MCC: variants seen among roughly 807,000 people sequenced by gnomAD.
The protein encoded by MCC is colorectal mutant cancer protein.
Under a neutral mutation model 116.2 loss-of-function variants are expected in MCC, and 90 were observed. That is an observed-to-expected ratio of 0.77 (90% CI 0.65 to 0.92). The LOEUF (loss-of-function observed/expected upper bound fraction) is 0.92. Among genes scored for constraint, MCC ranks in the 40% least tolerant of loss-of-function variants. MCC has a pLI of 0.00. For missense variants in MCC, 1,516 were observed against 1,312.2 expected, an observed-to-expected ratio of 1.16 and a Z score of -2.40; for synonymous variants, 578 against 510.5, an observed-to-expected ratio of 1.13 and a Z score of -1.78.
At chr5:113,080,667 C>T (rs1038043100) in intron 11 of MCC, among the ~76,000 whole-genome samples, 8 of 151,786 alleles carry the variant, frequency 5.3e-5, no homozygotes, top group Admixed American at 1.3e-4. Context: ...GTGGAGGGAG[C>T]GGGGAGGGAT....
At chr5:113,112,258 G>A (rs763789684) in intron 6 of MCC, among the ~76,000 whole-genome samples, 5 of 152,300 alleles carry the variant, frequency 3.3e-5, no homozygotes, top group African/African-American at 4.8e-5. Flanking sequence ...GCTTGGGTTT[G>A]TGTCCCTACC....
chr5:113,260,217 A>G (rs999972468), intron 3 of MCC, among the ~76,000 whole-genome samples: 12 of 152,170 alleles, frequency 7.9e-5, no homozygotes, highest in Non-Finnish European at 1.5e-4. Context: ...ATCCACTGTT[A>G]TTTATCATAT....
intron 18 of MCC, among the ~76,000 whole-genome samples, chr5:113,027,805 G>A (rs1284455679): frequency 6.6e-6 from 1 of 152,168 alleles, no homozygotes; most frequent in Non-Finnish European, 1.5e-5. Flanking sequence ...AATACAAATA[G>A]TGGGTCTATT....
At chr5:113,328,279 C>T (rs1013277214) in intron 3 of MCC, among the ~76,000 whole-genome samples, 7 of 152,200 alleles carry the variant, frequency 4.6e-5, no homozygotes, top group Non-Finnish European at 1.0e-4. Flanking sequence ...ACTTAGCAAA[C>T]GTGACCAGTT....
At chr5:113,119,682 A>G (rs1168873468) in intron 6 of MCC, among the ~76,000 whole-genome samples, 1 of 151,952 alleles carries the variant, frequency 6.6e-6, no homozygotes, top group Non-Finnish European at 1.5e-5. Context: ...CACAGCCCCA[A>G]GTGAGTTTGC....
intron 3 of MCC, among the ~76,000 whole-genome samples, chr5:113,155,811 T>G (rs751993997): frequency 1.7e-4 from 26 of 152,182 alleles, no homozygotes; most frequent in Non-Finnish European, 3.2e-4. Context: ...CTCTTCATAC[T>G]CAGGAGTCAG....
At chr5:113,300,102 C>T (rs1766825521) in intron 3 of MCC, among the ~76,000 whole-genome samples, 1 of 152,180 alleles carries the variant, frequency 6.6e-6, no homozygotes. Flanking sequence ...CTGCCGACTT[C>T]AGTGAATCTC....
At chr5:113,423,344 A>T (rs1011778330) in intron 1 of MCC, among the ~76,000 whole-genome samples, 1 of 152,170 alleles carries the variant, frequency 6.6e-6, no homozygotes, top group African/African-American at 2.4e-5. Context: ...AATGTTAATG[A>T]ATCAACAATC....
At chr5:113,385,645 G>C (rs1177230706) in intron 1 of MCC, among the ~76,000 whole-genome samples, 3 of 152,204 alleles carry the variant, frequency 2.0e-5, no homozygotes, top group African/African-American at 7.2e-5. Context: ...AACCAACAGA[G>C]ATTTTAACAA....
intron 1 of MCC, among the ~76,000 whole-genome samples, chr5:113,439,325 C>A (rs1770959459): frequency 1.3e-5 from 2 of 150,932 alleles, no homozygotes; most frequent in Non-Finnish European, 2.9e-5. Flanking sequence ...TCACAAAGGA[C>A]AATTGGAGGG....
At chr5:113,416,638 T>C (rs1014929692) in intron 1 of MCC, among the ~76,000 whole-genome samples, 1 of 152,166 alleles carries the variant, frequency 6.6e-6, no homozygotes, top group African/African-American at 2.4e-5. Flanking sequence ...AAAGGGTTCA[T>C]AAGAAACAGG....
intron 3 of MCC, among the ~76,000 whole-genome samples, chr5:113,239,722 T>A (rs2150338442): frequency 6.6e-6 from 1 of 152,350 alleles, no homozygotes; most frequent in Admixed American, 6.5e-5. Context: ...CCTGGGGTGC[T>A]TATTTTAGGC....
At chr5:113,069,315 C>T (rs1259232332) in intron 12 of MCC, among the ~76,000 whole-genome samples, 1 of 152,248 alleles carries the variant, frequency 6.6e-6, no homozygotes, top group Non-Finnish European at 1.5e-5. Context: ...AACATAGTCA[C>T]TCTTCTTTGT....
At chr5:113,210,286 T>G (rs1260968047) in intron 3 of MCC, among the ~76,000 whole-genome samples, 2 of 152,336 alleles carry the variant, frequency 1.3e-5, no homozygotes, top group East Asian at 3.9e-4. Context: ...TATTCTCTCT[T>G]CCTTCCCAAT....
chr5:113,396,001 G>T (rs1046839017), intron 1 of MCC, among the ~76,000 whole-genome samples: 1 of 152,058 alleles, frequency 6.6e-6, no homozygotes, highest in Non-Finnish European at 1.5e-5. Context: ...TAAGGAATGA[G>T]GGTTTTCAGG....
rs142483364 is a variant in MCC at position 113,419,360 on chromosome 5, T to G, written c.171-34148A>C. 9.2e-3 allele frequency among the ~76,000 whole-genome samples: 1,306 copies of G among 142,198 alleles called. 14 individuals carry two copies. Among genetic ancestry groups the G allele is most frequent in the Non-Finnish European group, 0.013 (835 of 66,168 alleles). 93.3% of individuals were successfully genotyped at this position (142,198 alleles called of 152,430 possible). The stretch of plus-strand genomic sequence containing the variant: ...TAATTTTTTACTTATTCTTCTTCTT[T>G]TTTTCTTTTTTTTTTCTTGGTAGAG... On this transcript the variant is annotated intron_variant, in intron 1 of 18. Transcript: ENST00000408903.
At chr5:113,180,477 G>C (rs1018559325) in intron 3 of MCC, among the ~76,000 whole-genome samples, 34 of 152,140 alleles carry the variant, frequency 2.2e-4, no homozygotes, top group African/African-American at 8.2e-4. Flanking sequence ...GGCTTTCAAT[G>C]CTGTTCAGGG....
At chr5:113,314,129 A>C (rs1429877933) in intron 3 of MCC, among the ~76,000 whole-genome samples, 1 of 150,570 alleles carries the variant, frequency 6.6e-6, no homozygotes, top group East Asian at 2.0e-4. Context: ...GATATCTATA[A>C]TTCTAAACAG....
chr5:113,451,383 G>C (rs1468289910), intron 1 of MCC, among the ~76,000 whole-genome samples: 9 of 152,192 alleles, frequency 5.9e-5, no homozygotes, highest in Non-Finnish European at 1.3e-4. Flanking sequence ...TTATTGTACT[G>C]GTCACCATGA....
Sources: gnomAD v4.1 joint callset for allele counts (sites outside exome capture counted in the v4.1 genomes callset) on GRCh38, gnomAD v4.1.1 for gene constraint, MANE v1.5 for transcripts, NCBI Gene and HGNC (gene_info 2026-07-23, HGNC 2026-07-21) for gene names.